Variants in IPO5 observed in about 807,000 individuals in gnomAD.
The protein encoded by IPO5 is importin-5.
A neutral mutation model predicts 143.3 loss-of-function variants in IPO5; 18 were observed. The ratio of observed to expected loss-of-function variants is 0.13; its 90% CI spans 0.09 to 0.19. The LOEUF (loss-of-function observed/expected upper bound fraction) is 0.19, where lower values mean the gene tolerates loss of function less well. Among genes scored for constraint, IPO5 ranks in the 10% least tolerant of loss-of-function variants. IPO5 has a pLI of 1.00. For synonymous variants in IPO5, 477 were observed against 465.7 expected (o/e 1.02, Z -0.31); for missense variants, 1,013 against 1,336.9 (o/e 0.76, Z 3.78).
chr13:97,994,296 G>A (rs548196742), intron 11 of IPO5, among the ~76,000 whole-genome samples: 29 of 151,440 alleles, frequency 1.9e-4, no homozygotes, highest in South Asian at 6.3e-4. Context: ...CAACAAGAGC[G>A]AAACTCGTCT....
rs1486653033 is a variant in IPO5, at chr13:98,002,579, T to C, written c.1221T>C (p.Phe407=). Residue 407 remains phenylalanine (F), a synonymous_variant, in exon 14 of 29, where the codon TTT becomes TTC. Coordinates refer to ENST00000651721, the MANE Select transcript of IPO5 (RefSeq NM_002271.6). ...LNEIVNFVLL[F]LQDPHPRVRY... is the part of the protein sequence containing the mutation. ...AGATCGTAAATTTTGTTTTACTTTT[T>C]CTCCAGGATCCTGTAAGTACCAGTA... 6.2e-7 allele frequency: 1 copy of C among 1,613,906 alleles called. No individual in the cohort carries two copies. The highest frequency in any genetic ancestry group is 8.5e-7 in the Non-Finnish European group (1 of 1,179,956).
At chr13:98,017,601 C>T (rs6491396) in intron 25 of IPO5, among the ~76,000 whole-genome samples, 81,501 of 151,472 alleles carry the variant, frequency 0.54, 22,956 homozygotes, top group African/African-American at 0.72. Flanking sequence ...CCCAGGCCTA[C>T]GCTTCCTATT....
chr13:98,024,077 AC>A lies in IPO5; in HGVS notation c.*2256del, dbSNP rs1450742780. On this transcript the variant is annotated 3_prime_UTR_variant, in exon 29 of 29. Coordinates refer to ENST00000651721, the MANE Select transcript of IPO5 (RefSeq NM_002271.6). ...GAGGGGAAAAATGTGTGTGGCTCTT[AC>A]GTTTTCTGGGAATTTTGTAACAAGT... 6.6e-5 allele frequency: 10 copies of A among 152,290 alleles called. No individual in the cohort carries two copies. Among genetic ancestry groups the A allele is most frequent in the South Asian group, 4.1e-4 (2 of 4,830 alleles). The allele number at this position is 152,290 out of a possible 1,614,324, so 9.4% of individuals were successfully genotyped here. A position where few individuals can be genotyped will look rare whatever the true frequency, so the allele number is the denominator to read the frequency against.
chr13:98,003,708 G>T (rs552424062), intron 16 of IPO5, among the ~76,000 whole-genome samples: 1 of 152,158 alleles, frequency 6.6e-6, no homozygotes, highest in South Asian at 2.1e-4. Flanking sequence ...AATTAGCCGG[G>T]TGTGGTGGTG....
chr13:97,970,446 C>T (rs893566760), intron 3 of IPO5, among the ~76,000 whole-genome samples: 2 of 151,898 alleles, frequency 1.3e-5, no homozygotes, highest in Non-Finnish European at 2.9e-5. Context: ...TGGTGAAACC[C>T]CGTCTCTACT....
At chr13:97,969,900 T>C (rs1885680129) in intron 3 of IPO5, 70 bp downstream of exon 3, 5 of 1,226,898 alleles carry the variant, frequency 4.1e-6, no homozygotes, top group Non-Finnish European at 6.0e-6. Context: ...GGTCTCGCCA[T>C]GTTGCCCAGG....
intron 2 of IPO5, among the ~76,000 whole-genome samples, chr13:97,958,033 A>C (rs761568182): frequency 6.6e-6 from 1 of 152,204 alleles, no homozygotes; most frequent in Non-Finnish European, 1.5e-5. Flanking sequence ...GCAATCAGAA[A>C]GAAAAAGAGA....
At chr13:97,959,656 C>T (rs1483038619) in intron 2 of IPO5, among the ~76,000 whole-genome samples, 2 of 152,054 alleles carry the variant, frequency 1.3e-5, no homozygotes, top group Non-Finnish European at 2.9e-5. Flanking sequence ...ATTGCTTGAA[C>T]CCGGGAGGCG....
intron 27 of IPO5, among the ~76,000 whole-genome samples, chr13:98,020,468 C>G (rs905835882): frequency 6.6e-6 from 1 of 152,142 alleles, no homozygotes; most frequent in Non-Finnish European, 1.5e-5. Context: ...CTACATACTC[C>G]TGACCTGCTC....
At chr13:97,955,888 T>C (rs1360678318) in intron 2 of IPO5, among the ~76,000 whole-genome samples, 9 of 152,148 alleles carry the variant, frequency 5.9e-5, no homozygotes, top group African/African-American at 9.7e-5. Flanking sequence ...TCCCAGCACT[T>C]TGGGAGGCCA....
chr13:98,023,035 T>G lies in IPO5; in HGVS notation c.*1213T>G, dbSNP rs559623399. On this transcript the variant is annotated 3_prime_UTR_variant, in exon 29 of 29. Coordinates refer to ENST00000651721, the MANE Select transcript of IPO5 (RefSeq NM_002271.6). The stretch of plus-strand genomic sequence containing the variant: ...TTTAACCGTGATATAAAAATGAATT[T>G]TATGCATAGATCAGAATTTTAAATT... The G allele has an allele frequency of 1.3e-5, 2 of 152,810 alleles. No individual in the cohort carries two copies. Among genetic ancestry groups the G allele is most frequent in the East Asian group, 3.9e-4 (2 of 5,194 alleles). The allele number at this position is 152,810 out of a possible 1,614,324, so 9.5% of individuals were successfully genotyped here.
chr13:98,011,024 G>A (rs1004088432), intron 20 of IPO5, among the ~76,000 whole-genome samples: 9 of 151,192 alleles, frequency 6.0e-5, no homozygotes, highest in Non-Finnish European at 7.4e-5. Flanking sequence ...CAGGTGATCC[G>A]CCTGCCATGA....
intron 2 of IPO5, among the ~76,000 whole-genome samples, chr13:97,962,054 G>A (rs886523792): frequency 2.0e-5 from 3 of 152,148 alleles, no homozygotes; most frequent in African/African-American, 7.2e-5. Flanking sequence ...ACTTGAACCT[G>A]GGAGGCAGAG....
At position 98,019,353 on chromosome 13, in the gene IPO5, A is replaced by G. The variant is rs938959956; in HGVS notation, c.2837-228A>G. Among the ~76,000 whole-genome samples the G allele has an allele frequency of 4.6e-5, 7 of 152,228 alleles. No homozygotes were observed. In the South Asian group the frequency reaches 8.3e-4, roughly 18 times the overall value. On this transcript the variant is annotated intron_variant, in intron 26 of 28. Coordinates refer to ENST00000651721, the MANE Select transcript of IPO5 (RefSeq NM_002271.6). ...GAGTACTGTAAATCTGGAGGCCACT[A>G]ATCTCTCTGGGTCTCTAAGTTAGTA...
chr13:97,972,067 C>T (rs1340396780), intron 3 of IPO5, among the ~76,000 whole-genome samples: 5 of 152,108 alleles, frequency 3.3e-5, no homozygotes, highest in African/African-American at 1.2e-4. Context: ...CAGATTATAA[C>T]ACTTTGATTT....
rs1186981562 is a variant in IPO5 at position 97,976,293 on chromosome 13, A to AACCCCG, written c.-4-386_-4-381dup. Among the ~76,000 whole-genome samples, 5 of 149,930 alleles carry AACCCCG rather than the reference A, an allele frequency of 3.3e-5. No individual in the cohort carries two copies. In the East Asian group the frequency reaches 6.1e-4, roughly 18 times the overall value. Reference sequence around the variant, plus strand: ...CAGCCCAGGCCTCGACCTCGACCTCAACCCCGACCCCGACCCCGATCCCAG... The same window carrying AACCCCG: ...CAGCCCAGGCCTCGACCTCGACCTCAACCCCGACCCCGACCCCGACCCCGATCCCAG... On this transcript the variant is annotated intron_variant, in intron 3 of 28. Coordinates refer to ENST00000651721, the MANE Select transcript of IPO5 (RefSeq NM_002271.6).
Position 97,989,988 on chromosome 13 carries a change from A to G in IPO5, c.468-138A>G, listed in dbSNP as rs866179314. On this transcript the variant is annotated intron_variant, in intron 7 of 28. Transcript: ENST00000651721. The stretch of plus-strand genomic sequence containing the variant: ...ACCCAAAAACAGGATTGCTTAGAGA[A>G]TGGGTAGATGATGTTCAACCTATGG... 7.5e-4 allele frequency: 455 copies of G among 604,588 alleles called. 4 individuals carry two copies. Among genetic ancestry groups the G allele is most frequent in the Middle Eastern group, 5.6e-3 (13 of 2,328 alleles). 37.5% of individuals were successfully genotyped at this position (604,588 alleles called of 1,614,324 possible).
chr13:98,014,243 A>G (rs772982905), intron 22 of IPO5, 29 bp downstream of exon 22: 9 of 1,489,614 alleles, frequency 6.0e-6, no homozygotes, highest in African/African-American at 5.6e-5. Context: ...AAAAATATGT[A>G]TAAGGTTGTA....
chr13:97,964,280 C>T (rs1220873429), intron 2 of IPO5, among the ~76,000 whole-genome samples: 3 of 152,004 alleles, frequency 2.0e-5, no homozygotes, highest in African/African-American at 7.2e-5. Flanking sequence ...TGCCTATGTC[C>T]TAAATGATAT....
Sources: allele counts gnomAD v4.1 joint callset (sites outside exome capture counted in the v4.1 genomes callset), GRCh38; gene constraint gnomAD v4.1.1; transcripts MANE v1.5; gene names NCBI Gene and HGNC (gene_info 2026-07-23, HGNC 2026-07-21).